The following GFOD1 variants were observed in gnomAD, a reference collection of about 807,000 sequenced individuals.
GFOD1 encodes the protein glucose-fructose oxidoreductase domain-containing protein 1.
A neutral mutation model predicts 25.4 loss-of-function variants in GFOD1; 9 were observed. That is an observed-to-expected ratio of 0.35 (90% CI 0.21 to 0.62). GFOD1 has a LOEUF of 0.62. Ranked by LOEUF, GFOD1 falls within the 20% of genes least tolerant of loss-of-function variation. The pLI, the probability that GFOD1 is intolerant of heterozygous loss-of-function variation, is 0.72. For missense variants in GFOD1, 403 were observed against 556.9 expected (o/e 0.72, Z 2.78); for synonymous variants, 253 against 245.6 (o/e 1.03, Z -0.28).
chr6:13,381,915 G>GCACACACACACACA (rs112808546), intron 1 of GFOD1, among the ~76,000 whole-genome samples: 1 of 140,052 alleles, frequency 7.1e-6, no homozygotes, highest in African/African-American at 3.0e-5. Flanking sequence ...ACGCGCGCGC[G>GCACACACACACACA]CACACACACA....
Position 13,409,163 on chromosome 6 carries a change from A to G in GFOD1, c.254-43501T>C, listed in dbSNP as rs1562209481. On this transcript the variant is annotated intron_variant, in intron 1 of 1. Coordinates refer to ENST00000379287, the MANE Select transcript of GFOD1 (RefSeq NM_018988.4). ...AAAGAAAGAAAGAGAGGAAAGAAAGAAAGGAAAGAGAGAGAGAGAGAGAAA... is the reference window on the plus strand; with the variant it reads ...AAAGAAAGAAAGAGAGGAAAGAAAGGAAGGAAAGAGAGAGAGAGAGAGAAA... Among the ~76,000 whole-genome samples, 21 of 61,396 alleles carry G rather than the reference A, an allele frequency of 3.4e-4. 1 individual carries two copies. The highest frequency in any genetic ancestry group is 1.7e-3 in the African/African-American group (19 of 11,040). 40.3% of individuals were successfully genotyped at this position (61,396 alleles called of 152,430 possible).
At chr6:13,423,824 CTCAGCAGATGG>C (rs2127568765) in intron 1 of GFOD1, among the ~76,000 whole-genome samples, 2 of 152,300 alleles carry the variant, frequency 1.3e-5, no homozygotes, top group African/African-American at 4.8e-5. Flanking sequence ...CAAGAGCATC[CTCAGCAGATGG>C]TCATTCATCC....
At chr6:13,461,072 T>C (rs1758282492) in intron 1 of GFOD1, among the ~76,000 whole-genome samples, 1 of 152,202 alleles carries the variant, frequency 6.6e-6, no homozygotes, top group African/African-American at 2.4e-5. Flanking sequence ...TGCTCTTCTG[T>C]TACAGCAGCA....
At chr6:13,409,179 G>GAAAGAAAGAAAGAAAGAAAGAA (rs1554201909) in intron 1 of GFOD1, among the ~76,000 whole-genome samples, 2 of 34,128 alleles carry the variant, frequency 5.9e-5, no homozygotes, top group Admixed American at 1.2e-3. Context: ...AAGAGAGAGA[G>GAAAGAAAGAAAGAAAGAAAGAA]AGAGAGAAAG....
Position 13,365,753 on chromosome 6 carries a change from A to G in GFOD1, c.254-91T>C. The G allele has an allele frequency of 1.0e-6, 1 of 995,420 alleles. No individual in the cohort carries two copies. The allele number at this position is 995,420 out of a possible 1,614,324, so 61.7% of individuals were successfully genotyped here. ...AGATCTTAAAATATTTCACATTAAT[A>G]GAAAAAGAAGGTCAGATGTGGTGGC... On this transcript the variant is annotated intron_variant, in intron 1 of 1. Coordinates refer to ENST00000379287, the MANE Select transcript of GFOD1 (RefSeq NM_018988.4). This position sits in a 1 kb window ranked among gnomAD's most constrained non-coding sequence, Gnocchi z 9.2.
intron 1 of GFOD1, chr6:13,470,295 G>T (rs777057393): frequency 6.3e-7 from 1 of 1,586,182 alleles, no homozygotes; most frequent in Non-Finnish European, 8.6e-7. Flanking sequence ...GCAGGCTGTG[G>T]CTGGAGGCCC....
chr6:13,467,371 A>T (rs1359518129), intron 1 of GFOD1, among the ~76,000 whole-genome samples: 1 of 152,142 alleles, frequency 6.6e-6, no homozygotes, highest in Non-Finnish European at 1.5e-5. Context: ...TCACACCGCT[A>T]ATTAGTATGG....
chr6:13,377,241 G>A (rs1785274212), intron 1 of GFOD1, among the ~76,000 whole-genome samples: 1 of 152,078 alleles, frequency 6.6e-6, no homozygotes, highest in South Asian at 2.1e-4. Flanking sequence ...TATTAGTTTT[G>A]TATTGCTGCT....
intron 1 of GFOD1, among the ~76,000 whole-genome samples, chr6:13,378,734 C>G (rs931856029): frequency 6.6e-6 from 1 of 152,174 alleles, no homozygotes; most frequent in Non-Finnish European, 1.5e-5. Context: ...TTCCATGAAC[C>G]TAGGTGCCAG....
At position 13,359,952 on chromosome 6, in the gene GFOD1, A is replaced by AAAG. The variant is rs2127553218; in HGVS notation, c.*4790_*4791insCTT. On this transcript the variant is annotated 3_prime_UTR_variant, in exon 2 of 2. Transcript: ENST00000379287. ...CAGAGTAAGACTCTGTCTCAAAAAA[A>AAAG]AAAAAAAAAGGATTTCCAGATTTCC... is the stretch of plus-strand genomic sequence containing the variant. 6.6e-6 allele frequency: 1 copy of AAAG among 152,360 alleles called. No homozygotes were observed. The highest frequency in any genetic ancestry group is 2.4e-5 in the African/African-American group (1 of 41,414). 9.4% of individuals were successfully genotyped at this position (152,360 alleles called of 1,614,324 possible). A position where few individuals can be genotyped will look rare whatever the true frequency, so the allele number is the denominator to read the frequency against.
chr6:13,403,677 A>C (rs1329951016), intron 1 of GFOD1, among the ~76,000 whole-genome samples: 1 of 152,248 alleles, frequency 6.6e-6, no homozygotes, highest in Non-Finnish European at 1.5e-5. Context: ...CATATGATGA[A>C]ATATATTCAG....
At chr6:13,374,728 CTTTTTTTTTTT>C (rs147560408) in intron 1 of GFOD1, among the ~76,000 whole-genome samples, 5 of 66,780 alleles carry the variant, frequency 7.5e-5, no homozygotes, top group Non-Finnish European at 1.2e-4. Flanking sequence ...CATCTCAAAT[CTTTTTTTTTTT>C]TTTTTTTTTT....
intron 1 of GFOD1, chr6:13,469,605 A>T: frequency 2.8e-6 from 3 of 1,077,616 alleles, no homozygotes; most frequent in Non-Finnish European, 3.4e-6. Flanking sequence ...ACTTGTTCTT[A>T]GCCATGTACA....
chr6:13,431,961 A>T (rs1430365408), intron 1 of GFOD1, among the ~76,000 whole-genome samples: 2 of 152,160 alleles, frequency 1.3e-5, no homozygotes, highest in Non-Finnish European at 2.9e-5. Context: ...ATTCAAAATC[A>T]CTAAGAGACC....
At chr6:13,444,789 A>G (rs1297027560) in intron 1 of GFOD1, among the ~76,000 whole-genome samples, 5 of 152,346 alleles carry the variant, frequency 3.3e-5, no homozygotes, top group African/African-American at 1.2e-4. Context: ...GCACTGAGAA[A>G]TATAAAAATG....
chr6:13,459,191 G>T (rs1758247412), intron 1 of GFOD1, among the ~76,000 whole-genome samples: 1 of 152,034 alleles, frequency 6.6e-6, no homozygotes, highest in Non-Finnish European at 1.5e-5. Context: ...AGAGATCTCA[G>T]AAATAAGACC....
At chr6:13,403,229 G>A (rs1051956502) in intron 1 of GFOD1, among the ~76,000 whole-genome samples, 31 of 151,862 alleles carry the variant, frequency 2.0e-4, no homozygotes, top group Admixed American at 5.9e-4. Context: ...GGGTTCAAGT[G>A]ATTCTCCCGC....
chr6:13,435,028 T>G (rs1298544759), intron 1 of GFOD1, among the ~76,000 whole-genome samples: 14 of 152,212 alleles, frequency 9.2e-5, no homozygotes, highest in Admixed American at 9.2e-4. Context: ...AGCTTTCTCT[T>G]TCTGAGCACC....
intron 1 of GFOD1, among the ~76,000 whole-genome samples, chr6:13,462,454 A>G (rs1758308706): frequency 6.6e-6 from 1 of 152,220 alleles, no homozygotes; most frequent in African/African-American, 2.4e-5. Context: ...AGCACAAATC[A>G]ATGGGCTGTG....
Sources: gnomAD v4.1 joint callset for allele counts (sites outside exome capture counted in the v4.1 genomes callset) on GRCh38, gnomAD v4.1.1 for gene constraint, Gnocchi (gnomAD v3.1) non-coding constraint, MANE v1.5 for transcripts, NCBI Gene and HGNC (gene_info 2026-07-23, HGNC 2026-07-21) for gene names.